Variants in CHKA observed in about 807,000 individuals in gnomAD.
CHKA encodes the protein choline kinase alpha, also known as CHETK-alpha.
Under a neutral mutation model 60.1 loss-of-function variants are expected in CHKA, and 34 were observed. That is an observed-to-expected ratio of 0.57 (90% confidence interval 0.43 to 0.75). CHKA has a LOEUF of 0.75. CHKA is among the 30% of genes least tolerant of loss of function. The pLI, the probability that CHKA is intolerant of heterozygous loss-of-function variation, is 0.00. For synonymous variants in CHKA, 217 were observed against 223.1 expected (o/e 0.97, Z 0.24); for missense variants, 563 against 561.3 (o/e 1.00, Z -0.03).
intron 9 of CHKA, among the ~76,000 whole-genome samples, chr11:68,064,948 A>C (rs1434224164): frequency 6.6e-6 from 1 of 152,048 alleles, no homozygotes; most frequent in African/African-American, 2.4e-5. Context: ...TCCCAATCCT[A>C]CTCAGCTTCA....
chr11:68,120,805 C>T (rs551295541), intron 1 of CHKA, 23 bp downstream of exon 1: 22 of 1,188,058 alleles, frequency 1.9e-5, no homozygotes, highest in Middle Eastern at 2.5e-4. Context: ...TGTCCCGCGG[C>T]CCCCAGACCC....
chr11:68,080,482 G>C (rs1303252940), intron 3 of CHKA, among the ~76,000 whole-genome samples: 1 of 152,028 alleles, frequency 6.6e-6, no homozygotes, highest in South Asian at 2.1e-4. Flanking sequence ...CAAGTAGCTG[G>C]AATTACAGGT....
rs980264175 is a variant in CHKA, at chr11:68,063,196, G to C, written c.1233-1162C>G. Among the ~76,000 whole-genome samples the C allele has an allele frequency of 8.5e-5, 13 of 152,234 alleles. 1 individual carries two copies. Among genetic ancestry groups the C allele is most frequent in the Admixed American group, 7.2e-4 (11 of 15,288 alleles). On this transcript the variant is annotated intron_variant, in intron 10 of 11. Coordinates refer to ENST00000265689, the MANE Select transcript of CHKA (RefSeq NM_001277.3). The stretch of plus-strand genomic sequence containing the variant: ...GCATATGGTGGCCGCCACTCCAGAA[G>C]CATCAGTGACAAGTTTGCAGGGACA...
intron 8 of CHKA, 113 bp downstream of exon 8, chr11:68,066,316 C>A: frequency 1.2e-6 from 1 of 841,960 alleles, no homozygotes. Context: ...CCAGGTGAAG[C>A]AGCTTGCAAC....
intron 1 of CHKA, among the ~76,000 whole-genome samples, chr11:68,112,009 C>A (rs529283412): frequency 1.0e-3 from 149 of 144,510 alleles, no homozygotes; most frequent in African/African-American, 3.7e-3. Flanking sequence ...GCCGAGATCA[C>A]GCCATTGCAT....
chr11:68,100,568 G>T (rs1284127616), intron 1 of CHKA, among the ~76,000 whole-genome samples: 3 of 149,276 alleles, frequency 2.0e-5, no homozygotes, highest in African/African-American at 7.4e-5. Context: ...CCAGCCTGGG[G>T]GACAAGAACG....
At chr11:68,091,171 T>A (rs991443469) in intron 2 of CHKA, among the ~76,000 whole-genome samples, 2 of 152,240 alleles carry the variant, frequency 1.3e-5, no homozygotes, top group African/African-American at 4.8e-5. Flanking sequence ...AGCAATTCTA[T>A]CTCTTTCCAC....
intron 2 of CHKA, among the ~76,000 whole-genome samples, chr11:68,085,592 T>C (rs968916025): frequency 2.6e-5 from 4 of 152,170 alleles, no homozygotes; most frequent in African/African-American, 4.8e-5. Flanking sequence ...TGAATTATAT[T>C]AGCTATGGAG....
intron 2 of CHKA, among the ~76,000 whole-genome samples, chr11:68,084,095 A>T (rs1478017843): frequency 6.6e-6 from 1 of 151,362 alleles, no homozygotes; most frequent in Non-Finnish European, 1.5e-5. Context: ...AAATACAAAA[A>T]AATTAGCCGG....
At chr11:68,110,200 G>A (rs150704056) in intron 1 of CHKA, among the ~76,000 whole-genome samples, 7 of 152,176 alleles carry the variant, frequency 4.6e-5, no homozygotes, top group African/African-American at 9.6e-5. Flanking sequence ...GCTTTTCTAC[G>A]AAGAACAGGA....
chr11:68,074,771 A>G lies in CHKA; in HGVS notation c.576T>C (p.Leu192=), dbSNP rs1856731815. 6.2e-7 allele frequency: 1 copy of G among 1,614,098 alleles called. No homozygotes were observed. The highest frequency in any genetic ancestry group is 1.3e-5 in the African/African-American group (1 of 74,934). The part of the protein sequence containing the change: ...VMFAILAERS[L]GPKLYGIFPQ... Reference sequence around the variant, plus strand: ...GAAAGATGCCATAGAGTTTTGGCCCAAGTGACCTCTCTGCGAGAATGGCAA... The same window carrying G: ...GAAAGATGCCATAGAGTTTTGGCCCGAGTGACCTCTCTGCGAGAATGGCAA... The change falls in exon 4 of 12, where the codon CTT becomes CTC. Residue 192 remains leucine (L), a synonymous_variant. Transcript: ENST00000265689.
intron 3 of CHKA, among the ~76,000 whole-genome samples, chr11:68,078,739 A>C (rs1856871691): frequency 6.6e-6 from 1 of 152,212 alleles, no homozygotes; most frequent in African/African-American, 2.4e-5. Flanking sequence ...TTTCCAAAAT[A>C]ACGGATCAGT....
At chr11:68,065,303 A>G (rs1224364317) in intron 9 of CHKA, among the ~76,000 whole-genome samples, 1 of 152,214 alleles carries the variant, frequency 6.6e-6, no homozygotes, top group Non-Finnish European at 1.5e-5. Context: ...TGGCACAGAG[A>G]TTTTTAATAA....
intron 6 of CHKA, among the ~76,000 whole-genome samples, chr11:68,069,521 C>CA (rs1372790071): frequency 6.6e-6 from 1 of 151,818 alleles, no homozygotes; most frequent in Non-Finnish European, 1.5e-5. Context: ...CCCATCTCCA[C>CA]AAAAATACAA....
chr11:68,081,227 G>A (rs1353945182), intron 3 of CHKA, among the ~76,000 whole-genome samples, 177 bp downstream of exon 3: 3 of 152,126 alleles, frequency 2.0e-5, no homozygotes, highest in South Asian at 2.1e-4. Context: ...AATACCCACC[G>A]CTCACTCAGT....
chr11:68,079,990 A>G (rs1443264074), intron 3 of CHKA, among the ~76,000 whole-genome samples: 9 of 152,194 alleles, frequency 5.9e-5, no homozygotes, highest in Admixed American at 2.6e-4. Flanking sequence ...AGGAGAGGAA[A>G]CATTTCAAAA....
In CHKA at chr11:68,088,538, G is replaced by A. The variant is rs372066226; in HGVS notation, c.463-7081C>T. ...CTATGTTCCATCTCAGGAGAGGTGG[G>A]GCAGGAAAAAGCATGAGAACCATGA... On this transcript the variant is annotated intron_variant, in intron 2 of 11. Transcript: ENST00000265689. Among the ~76,000 whole-genome samples, 3 of 151,770 alleles carry A rather than the reference G, an allele frequency of 2.0e-5. No individual in the cohort carries two copies. The South Asian group carries it at 6.2e-4, about 32-fold the overall frequency.
Position 68,097,055 on chromosome 11 carries a change from T to A in CHKA, c.426A>T (p.Lys142Asn). 6.2e-7 allele frequency: 1 copy of A among 1,613,558 alleles called. No individual in the cohort carries two copies. Among genetic ancestry groups the A allele is most frequent in the Non-Finnish European group, 8.5e-7 (1 of 1,179,720 alleles). The change falls in exon 2 of 12, where the codon AAA becomes AAT. Residue 142 changes from lysine to asparagine, a missense_variant. By Grantham distance (94) the Lys-to-Asn change is moderately conservative (BLOSUM62 0). Coordinates refer to ENST00000265689, the MANE Select transcript of CHKA (RefSeq NM_001277.3). ...TTATLGDEPR[K>N]VLLRLYGAIL... The stretch of plus-strand genomic sequence containing the variant: ...TCGCTCCATACAGCCGCAGGAGCAC[T>A]TTCCGAGGCTCATCACCAAGGGTGG...
intron 3 of CHKA, among the ~76,000 whole-genome samples, chr11:68,078,514 A>C (rs1856863453): frequency 6.6e-6 from 1 of 152,250 alleles, no homozygotes; most frequent in Non-Finnish European, 1.5e-5. Flanking sequence ...AAGAGTGAAC[A>C]GAAACGGGAG....
Sources: allele counts gnomAD v4.1 joint callset (sites outside exome capture counted in the v4.1 genomes callset), GRCh38; gene constraint gnomAD v4.1.1; transcripts MANE v1.5; gene names NCBI Gene and HGNC (gene_info 2026-07-23, HGNC 2026-07-21).